MAP4K3: variants seen among roughly 807,000 people sequenced by gnomAD.
MAP4K3 encodes mitogen-activated protein kinase kinase kinase kinase 3, also known as MAPK/ERK kinase kinase kinase 3.
A neutral mutation model predicts 143.5 loss-of-function variants in MAP4K3; 94 were observed. The ratio of observed to expected loss-of-function variants is 0.65; its 90% confidence interval spans 0.55 to 0.78. The LOEUF is 0.78. Ranked by LOEUF, MAP4K3 falls within the 30% of genes least tolerant of loss-of-function variation. The pLI is 0.00. For synonymous variants in MAP4K3, 416 were observed against 347.2 expected, an observed-to-expected ratio of 1.20 and a Z score of -2.20; for missense variants, 1,077 against 1,068.1, an observed-to-expected ratio of 1.01 and a Z score of -0.12.
intron 8 of MAP4K3, among the ~76,000 whole-genome samples, chr2:39,327,279 T>C (rs949591787): frequency 6.6e-6 from 1 of 152,182 alleles, no homozygotes; most frequent in Non-Finnish European, 1.5e-5. Flanking sequence ...AAAAACTTAT[T>C]TGGCATTTTT....
intron 3 of MAP4K3, among the ~76,000 whole-genome samples, chr2:39,351,498 T>C (rs1418538449): frequency 7.5e-6 from 1 of 132,646 alleles, no homozygotes; most frequent in Non-Finnish European, 1.6e-5. Flanking sequence ...TATAAGCTCC[T>C]TAAAGGGAAG....
At chr2:39,321,378 A>G (rs930467702) in intron 12 of MAP4K3, among the ~76,000 whole-genome samples, 3 of 152,226 alleles carry the variant, frequency 2.0e-5, no homozygotes, top group Non-Finnish European at 4.4e-5. Flanking sequence ...TTTGTTAAAC[A>G]GATGCTTGAA....
At chr2:39,312,883 T>C (rs530128142) in intron 13 of MAP4K3, among the ~76,000 whole-genome samples, 2 of 152,230 alleles carry the variant, frequency 1.3e-5, no homozygotes. Flanking sequence ...TGCATCTATC[T>C]GCCTTGTGTT....
chr2:39,424,766 G>C (rs1050718981), intron 1 of MAP4K3, among the ~76,000 whole-genome samples: 1 of 149,712 alleles, frequency 6.7e-6, no homozygotes, highest in Non-Finnish European at 1.5e-5. Context: ...AGGAGGTTGA[G>C]GCTGCAGTGA....
chr2:39,433,114 C>G (rs1665345207), intron 1 of MAP4K3, among the ~76,000 whole-genome samples: 1 of 152,170 alleles, frequency 6.6e-6, no homozygotes, highest in Admixed American at 6.5e-5. Flanking sequence ...TTTCCTGAAG[C>G]ACCCCAACCA....
In MAP4K3 at chr2:39,250,940, G is replaced by C. The variant is rs139585680; in HGVS notation, c.2598-235C>G. Among the ~76,000 whole-genome samples, 528 of 152,226 alleles carry C rather than the reference G, an allele frequency of 3.5e-3. 1 individual carries two copies. The highest frequency in any genetic ancestry group is 4.1e-3 in the Non-Finnish European group (281 of 68,014). On this transcript the variant is annotated intron_variant, in intron 33 of 33. Coordinates refer to ENST00000263881, the MANE Select transcript of MAP4K3 (RefSeq NM_003618.4). ...AGTGTTCTTCTAAGAGTCAGAAGTG[G>C]GGAGAAACCTATATTAGAAATTATT...
rs113932123 is a variant in MAP4K3, at chr2:39,424,690, C to G, written c.96+12202G>C. 3.6e-3 allele frequency among the ~76,000 whole-genome samples: 551 copies of G among 151,718 alleles called. 6 individuals carry two copies. Among genetic ancestry groups the G allele is most frequent in the African/African-American group, 0.013 (523 of 41,330 alleles). ...ACAAAAAATACAAATATTAGGTGGGCAAGGTGGTGGACACCTGTAGTCCCA... is the reference window on the plus strand; with the variant it reads ...ACAAAAAATACAAATATTAGGTGGGGAAGGTGGTGGACACCTGTAGTCCCA... On this transcript the variant is annotated intron_variant, in intron 1 of 33. Coordinates refer to ENST00000263881, the MANE Select transcript of MAP4K3 (RefSeq NM_003618.4).
chr2:39,413,192 T>C (rs1307220925), intron 1 of MAP4K3, among the ~76,000 whole-genome samples: 1 of 152,236 alleles, frequency 6.6e-6, no homozygotes, highest in Non-Finnish European at 1.5e-5. Context: ...GCTAAATTCC[T>C]TGTATCAGAA....
chr2:39,374,451 G>A (rs903075822), intron 2 of MAP4K3, among the ~76,000 whole-genome samples: 3 of 152,136 alleles, frequency 2.0e-5, no homozygotes, highest in Non-Finnish European at 1.5e-5. Context: ...GGAGGCAGAG[G>A]CGGGTGGATC....
intron 13 of MAP4K3, among the ~76,000 whole-genome samples, chr2:39,312,372 A>C (rs1682970554): frequency 6.6e-6 from 1 of 152,184 alleles, no homozygotes; most frequent in African/African-American, 2.4e-5. Flanking sequence ...AACAGCCACA[A>C]TATATTACAT....
chr2:39,283,036 T>C (rs965262727), intron 21 of MAP4K3, among the ~76,000 whole-genome samples: 16 of 152,212 alleles, frequency 1.1e-4, no homozygotes, highest in African/African-American at 3.9e-4. Context: ...TTATTCGGTA[T>C]TTAGATTATT....
intron 1 of MAP4K3, among the ~76,000 whole-genome samples, chr2:39,394,218 A>G (rs1666743731): frequency 6.6e-6 from 1 of 152,178 alleles, no homozygotes. Flanking sequence ...CCCTTCAACA[A>G]CATCTCATTT....
chr2:39,367,342 G>C (rs1665950186), intron 2 of MAP4K3, among the ~76,000 whole-genome samples: 1 of 152,088 alleles, frequency 6.6e-6, no homozygotes, highest in Non-Finnish European at 1.5e-5. Flanking sequence ...AGGAGTTTCA[G>C]ACTAGCCTGG....
intron 1 of MAP4K3, among the ~76,000 whole-genome samples, chr2:39,394,106 T>C (rs1295372383): frequency 6.6e-6 from 1 of 152,226 alleles, no homozygotes; most frequent in Non-Finnish European, 1.5e-5. Flanking sequence ...TTATGCTTTA[T>C]AAAAATTTTT....
At chr2:39,405,548 G>A (rs1003155850) in intron 1 of MAP4K3, among the ~76,000 whole-genome samples, 4 of 152,102 alleles carry the variant, frequency 2.6e-5, no homozygotes, top group African/African-American at 9.7e-5. Flanking sequence ...ACCATCCAAG[G>A]AAACATGACC....
intron 2 of MAP4K3, among the ~76,000 whole-genome samples, chr2:39,368,089 T>C (rs976267251): frequency 2.0e-5 from 3 of 152,176 alleles, no homozygotes; most frequent in Non-Finnish European, 4.4e-5. Context: ...GTGGTTCTGA[T>C]GGAAGGCCCA....
chr2:39,298,159 T>C (rs1682357736), intron 16 of MAP4K3, among the ~76,000 whole-genome samples: 1 of 152,060 alleles, frequency 6.6e-6, no homozygotes, highest in African/African-American at 2.4e-5. Context: ...TTAGAGAAAA[T>C]AACATAAAAA....
intron 4 of MAP4K3, among the ~76,000 whole-genome samples, chr2:39,339,445 C>G (rs992620191): frequency 1.3e-5 from 2 of 152,108 alleles, no homozygotes. Flanking sequence ...CAGTAAGATA[C>G]TTTCCCAGGA....
intron 1 of MAP4K3, among the ~76,000 whole-genome samples, chr2:39,420,554 C>A: frequency 6.6e-6 from 1 of 151,138 alleles, no homozygotes. Flanking sequence ...GTAGCTAGGA[C>A]TACAGGCATG....
Sources: gnomAD v4.1 joint callset for allele counts (sites outside exome capture counted in the v4.1 genomes callset) on GRCh38, gnomAD v4.1.1 for gene constraint, MANE v1.5 for transcripts, NCBI Gene and HGNC (gene_info 2026-07-23, HGNC 2026-07-21) for gene names.